FHIT: variants seen among roughly 807,000 people sequenced by gnomAD.
The protein encoded by FHIT is fragile histidine triad diadenosine triphosphatase, also known as bis(5'-adenosyl)-triphosphatase.
Under a neutral mutation model 17.9 loss-of-function variants are expected in FHIT, and 19 were observed. The observed-to-expected ratio is 1.06, with a 90% confidence interval of 0.74 to 1.56. The LOEUF (loss-of-function observed/expected upper bound fraction) is 1.56. Among genes scored for constraint, FHIT ranks in the 40% most tolerant of loss-of-function variants. The probability of loss-of-function intolerance (pLI) is 0.00; values close to 1 mark genes in which losing one functional copy is unlikely to be tolerated. For synonymous variants in FHIT, 81 were observed against 69.7 expected (o/e 1.16, Z -0.81); for missense variants, 248 against 189.2 (o/e 1.31, Z -1.82).
At chr3:60,691,627 A>G (rs1553699597) in intron 4 of FHIT, among the ~76,000 whole-genome samples, 1 of 152,122 alleles carries the variant, frequency 6.6e-6, no homozygotes, top group African/African-American at 2.4e-5. Flanking sequence ...TTGTCTCCCA[A>G]AGTGCTGAGA....
chr3:60,895,166 G>A (rs1211056770), intron 3 of FHIT, among the ~76,000 whole-genome samples: 2 of 152,146 alleles, frequency 1.3e-5, no homozygotes, highest in Admixed American at 6.6e-5. Flanking sequence ...TCTTGAAGAG[G>A]ACAGGCCTGT....
chr3:61,114,867 A>G (rs1576040308), intron 2 of FHIT, among the ~76,000 whole-genome samples: 1 of 152,162 alleles, frequency 6.6e-6, no homozygotes, highest in Non-Finnish European at 1.5e-5. Context: ...CTTCCCACCT[A>G]CAGTAGCTCC....
intron 5 of FHIT, among the ~76,000 whole-genome samples, chr3:60,397,639 C>G (rs779686838): frequency 1.3e-5 from 2 of 152,170 alleles, no homozygotes; most frequent in Admixed American, 1.3e-4. Flanking sequence ...CATCAGCCTA[C>G]TGATAGCGAC....
At chr3:60,725,532 T>C (rs1055100223) in intron 4 of FHIT, among the ~76,000 whole-genome samples, 12 of 152,224 alleles carry the variant, frequency 7.9e-5, no homozygotes, top group African/African-American at 2.9e-4. Context: ...TGGCATCTTT[T>C]GCATCACTCC....
At chr3:59,951,947 T>C (rs1199594096) in intron 7 of FHIT, among the ~76,000 whole-genome samples, 1 of 152,064 alleles carries the variant, frequency 6.6e-6, no homozygotes, top group Non-Finnish European at 1.5e-5. Flanking sequence ...CCACTGAGCA[T>C]GCCAATCTCT....
At chr3:61,212,273 A>G (rs1233285657) in intron 1 of FHIT, among the ~76,000 whole-genome samples, 1 of 152,194 alleles carries the variant, frequency 6.6e-6, no homozygotes, top group East Asian at 1.9e-4. Context: ...AGACGATTGT[A>G]TAACTAGAAT....
intron 3 of FHIT, among the ~76,000 whole-genome samples, chr3:60,959,747 A>G (rs1553780035): frequency 6.6e-6 from 1 of 151,286 alleles, no homozygotes; most frequent in Admixed American, 6.6e-5. Flanking sequence ...AGGGCAGTGT[A>G]GTTTGCGTGC....
rs1036380549 is a variant in FHIT, at chr3:61,182,595, C to T, written c.-164+18022G>A. Among the ~76,000 whole-genome samples the T allele has an allele frequency of 2.6e-5, 4 of 152,120 alleles. No individual in the cohort carries two copies. The South Asian group carries it at 8.3e-4, about 31-fold the overall frequency. On this transcript the variant is annotated intron_variant, in intron 2 of 9. Coordinates refer to ENST00000492590, the MANE Select transcript of FHIT (RefSeq NM_002012.4). Reference sequence around the variant, plus strand: ...TCATGTACCACATGGAATACTGTAACAAACTGGTTTAAATTCATACTAGAG... The same window carrying T: ...TCATGTACCACATGGAATACTGTAATAAACTGGTTTAAATTCATACTAGAG...
intron 2 of FHIT, among the ~76,000 whole-genome samples, chr3:61,151,825 C>T (rs1252560542): frequency 6.6e-6 from 1 of 152,046 alleles, no homozygotes; most frequent in African/African-American, 2.4e-5. Flanking sequence ...AAATAAAACC[C>T]GCCCACCTAG....
intron 1 of FHIT, among the ~76,000 whole-genome samples, chr3:61,210,798 G>A (rs556886362): frequency 1.3e-4 from 19 of 151,864 alleles, no homozygotes; most frequent in Admixed American, 7.2e-4. Context: ...CACACAGTGC[G>A]CTGCACCCAC....
At chr3:60,633,493 C>T (rs781848544) in intron 4 of FHIT, among the ~76,000 whole-genome samples, 2 of 152,140 alleles carry the variant, frequency 1.3e-5, no homozygotes, top group Non-Finnish European at 2.9e-5. Flanking sequence ...ACATTTCTGA[C>T]TTGAGAAGCT....
chr3:60,081,690 G>A (rs897111502), intron 5 of FHIT, among the ~76,000 whole-genome samples: 15 of 152,158 alleles, frequency 9.9e-5, no homozygotes, highest in Admixed American at 2.6e-4. Context: ...TTAACTATCC[G>A]ATAATAAGGA....
chr3:60,995,875 A>C (rs1248874872), intron 3 of FHIT, among the ~76,000 whole-genome samples: 2 of 152,222 alleles, frequency 1.3e-5, no homozygotes, highest in Non-Finnish European at 2.9e-5. Flanking sequence ...TATCTATTGT[A>C]AGGAGTAAAA....
intron 5 of FHIT, among the ~76,000 whole-genome samples, chr3:60,377,204 C>CT (rs34034610): frequency 0.14 from 18,975 of 140,468 alleles, 1,566 homozygotes; most frequent in African/African-American, 0.24. Context: ...AGCCATTAAG[C>CT]TTTTTTTTTT....
intron 8 of FHIT, among the ~76,000 whole-genome samples, chr3:59,758,337 A>C (rs1701323032): frequency 6.6e-6 from 1 of 152,224 alleles, no homozygotes; most frequent in Non-Finnish European, 1.5e-5. Context: ...GCTTCTAGGC[A>C]GCTACTAACA....
chr3:60,931,361 T>A (rs542241064), intron 3 of FHIT, among the ~76,000 whole-genome samples: 1 of 152,218 alleles, frequency 6.6e-6, no homozygotes, highest in Non-Finnish European at 1.5e-5. Context: ...ACTTACAGTA[T>A]AATTTAAAAA....
intron 1 of FHIT, among the ~76,000 whole-genome samples, chr3:61,235,701 C>T (rs998667708): frequency 6.9e-6 from 1 of 145,326 alleles, no homozygotes; most frequent in Non-Finnish European, 1.5e-5. Flanking sequence ...GACTCTGTCT[C>T]AAAAAAAAAA....
chr3:60,717,619 G>A (rs1577110598), intron 4 of FHIT, among the ~76,000 whole-genome samples: 1 of 152,240 alleles, frequency 6.6e-6, no homozygotes, highest in Admixed American at 6.5e-5. Flanking sequence ...CTTGAAGTTT[G>A]CCTTTTAAAG....
chr3:60,557,406 A>C (rs1576873686), intron 4 of FHIT, among the ~76,000 whole-genome samples: 1 of 152,086 alleles, frequency 6.6e-6, no homozygotes, highest in African/African-American at 2.4e-5. Context: ...GGAAGAACAA[A>C]AAAAAAAATA....
Sources: allele counts gnomAD v4.1 joint callset (sites outside exome capture counted in the v4.1 genomes callset), GRCh38; gene constraint gnomAD v4.1.1; transcripts MANE v1.5; gene names NCBI Gene and HGNC (gene_info 2026-07-23, HGNC 2026-07-21).